Variants in MYZAP observed in about 807,000 individuals in gnomAD.
MYZAP encodes GRINL1A complex locus upstream.
In MYZAP, 66 loss-of-function variants were observed where a neutral mutation model predicts 69.4. The observed-to-expected ratio is 0.95, with a 90% confidence interval of 0.78 to 1.17. The LOEUF is 1.17. MYZAP is among the 50% of genes most tolerant of loss of function. MYZAP has a pLI of 0.00. For missense variants in MYZAP, 611 were observed against 556.2 expected, an observed-to-expected ratio of 1.10 and a Z score of -0.99; for synonymous variants, 256 against 205.9, an observed-to-expected ratio of 1.24 and a Z score of -2.09.
At chr15:57,616,770 A>G (rs1396787067) in intron 2 of MYZAP, among the ~76,000 whole-genome samples, 1 of 144,322 alleles carries the variant, frequency 6.9e-6, no homozygotes, top group Non-Finnish European at 1.5e-5. Context: ...CGATCACGCC[A>G]CTACACTGCA....
At chr15:57,625,945 G>A in intron 5 of MYZAP, 53 bp downstream of exon 5, 8 of 1,514,034 alleles carry the variant, frequency 5.3e-6, no homozygotes, top group Non-Finnish European at 7.3e-6. Flanking sequence ...TCAAGAGTGG[G>A]GACTGTGCCT....
chr15:57,616,940 G>T (rs1479263921), intron 2 of MYZAP, among the ~76,000 whole-genome samples: 1 of 146,656 alleles, frequency 6.8e-6, no homozygotes, highest in Non-Finnish European at 1.5e-5. Flanking sequence ...TCTGTGCTGT[G>T]GGATTGTCGA....
chr15:57,646,742 T>A (rs1567226132), intron 10 of MYZAP: 2 of 986,222 alleles, frequency 2.0e-6, no homozygotes, highest in Non-Finnish European at 2.4e-6. Flanking sequence ...TGGATATCAA[T>A]ACTCATCTTA....
intron 2 of MYZAP, among the ~76,000 whole-genome samples, chr15:57,616,118 C>G (rs16977624): frequency 0.026 from 3,995 of 152,272 alleles, 184 homozygotes; most frequent in African/African-American, 0.09. Flanking sequence ...ATTTTGCAAA[C>G]TTTGAATGAA....
chr15:57,621,771 T>A (rs191914017), intron 4 of MYZAP, 71 bp downstream of exon 4: 4 of 1,431,910 alleles, frequency 2.8e-6, no homozygotes, highest in East Asian at 4.6e-5. Context: ...CAGTGGCTAG[T>A]GCCTAAAGAT....
At position 57,685,274 on chromosome 15, in the gene MYZAP, C is replaced by A. The variant is rs558543981; in HGVS notation, c.*776C>A. 6.6e-6 allele frequency: 1 copy of A among 151,992 alleles called. No homozygotes were observed. The highest frequency in any genetic ancestry group is 2.4e-5 in the African/African-American group (1 of 41,352). 9.4% of individuals were successfully genotyped at this position (151,992 alleles called of 1,614,324 possible). Reference sequence around the variant, plus strand: ...AGTATCAATTGGTGTTTTTGTTAAACGAATGAATCATCTGTTCATGCATGC... The same window carrying A: ...AGTATCAATTGGTGTTTTTGTTAAAAGAATGAATCATCTGTTCATGCATGC... On this transcript the variant is annotated 3_prime_UTR_variant, in exon 13 of 13. Transcript: ENST00000267853.
chr15:57,664,151 C>T (rs2038453665), intron 11 of MYZAP, among the ~76,000 whole-genome samples: 1 of 151,206 alleles, frequency 6.6e-6, no homozygotes, highest in Non-Finnish European at 1.5e-5. Context: ...ATTTTGACAC[C>T]TTTCAGACAG....
At chr15:57,673,367 C>T (rs2038959074) in intron 11 of MYZAP, among the ~76,000 whole-genome samples, 1 of 152,068 alleles carries the variant, frequency 6.6e-6, no homozygotes, top group Non-Finnish European at 1.5e-5. Context: ...CTGCCTTTCT[C>T]TTTTTTTATA....
At chr15:57,609,038 G>T (rs774837712) in intron 2 of MYZAP, among the ~76,000 whole-genome samples, 8 of 152,092 alleles carry the variant, frequency 5.3e-5, no homozygotes, top group Non-Finnish European at 1.0e-4. Flanking sequence ...CTTTCACTTG[G>T]CACCTAGCCA....
Position 57,632,511 on chromosome 15 carries a change from G to A in MYZAP, c.756G>A (p.Lys252=), listed in dbSNP as rs1203152705. 4 of 1,614,234 alleles carry A rather than the reference G, an allele frequency of 2.5e-6. No individual in the cohort carries two copies. Among genetic ancestry groups the A allele is most frequent in the South Asian group, 1.1e-5 (1 of 91,088 alleles). ...TKKLYSQYEE[K]LQEEQRKHSA... is the part of the protein sequence containing the mutation. ...AGCTGTACAGCCAGTATGAGGAGAA[G>A]CTGCAGGAAGAACAGAGGAAGCACA... Residue 252 remains lysine, a synonymous_variant, in exon 7 of 13, where the codon AAG becomes AAA. Coordinates refer to ENST00000267853, the MANE Select transcript of MYZAP (RefSeq NM_001018100.5).
chr15:57,672,168 C>T (rs1369691704), intron 11 of MYZAP, among the ~76,000 whole-genome samples: 1 of 152,044 alleles, frequency 6.6e-6, no homozygotes, highest in East Asian at 1.9e-4. Context: ...TAGTGTTTTC[C>T]CCCAACTCTG....
intron 2 of MYZAP, among the ~76,000 whole-genome samples, chr15:57,617,528 C>A (rs2035543662): frequency 6.6e-6 from 1 of 152,164 alleles, no homozygotes; most frequent in African/African-American, 2.4e-5. Flanking sequence ...ATGGTCACAA[C>A]AGGTTATGTA....
chr15:57,614,645 C>T (rs564557073), intron 2 of MYZAP, among the ~76,000 whole-genome samples: 3 of 152,306 alleles, frequency 2.0e-5, no homozygotes, highest in African/African-American at 4.8e-5. Context: ...AAAGAGCCCC[C>T]CATCCTGGGC....
chr15:57,676,492 A>T (rs2140641241), intron 12 of MYZAP, among the ~76,000 whole-genome samples: 1 of 148,330 alleles, frequency 6.7e-6, no homozygotes, highest in African/African-American at 2.5e-5. Flanking sequence ...TCCGGATCTC[A>T]TCATATTCAG....
intron 11 of MYZAP, among the ~76,000 whole-genome samples, chr15:57,661,884 C>G (rs1181706217): frequency 6.6e-6 from 1 of 152,160 alleles, no homozygotes; most frequent in Non-Finnish European, 1.5e-5. Flanking sequence ...ACATTATTCT[C>G]TCTGCAACTT....
chr15:57,633,391 A>C (rs1265055910), intron 7 of MYZAP, among the ~76,000 whole-genome samples: 2 of 152,190 alleles, frequency 1.3e-5, no homozygotes, highest in Non-Finnish European at 2.9e-5. Flanking sequence ...AAAAAAGGGA[A>C]AAAAATGTAG....
Position 57,602,307 on chromosome 15 carries a change from G to A in MYZAP, c.76-1962G>A, listed in dbSNP as rs545482030. Among the ~76,000 whole-genome samples the A allele has an allele frequency of 1.8e-4, 28 of 152,280 alleles. No individual in the cohort carries two copies. In the South Asian group the frequency reaches 2.7e-3, roughly 15 times the overall value. On this transcript the variant is annotated intron_variant, in intron 1 of 12. Coordinates refer to ENST00000267853, the MANE Select transcript of MYZAP (RefSeq NM_001018100.5). ...TGGAGGTTAGTGGCCCAAAATTAAG[G>A]TGTTGGCAAGGTTGGTTTCTTCTGA...
At chr15:57,592,494 A>G (rs2033739406) in intron 1 of MYZAP, among the ~76,000 whole-genome samples, 1 of 152,204 alleles carries the variant, frequency 6.6e-6, no homozygotes, top group Non-Finnish European at 1.5e-5. Flanking sequence ...ATTAATTAAA[A>G]GAAAGATGGG....
chr15:57,613,464 G>C (rs746851709), intron 2 of MYZAP, among the ~76,000 whole-genome samples: 37 of 151,918 alleles, frequency 2.4e-4, no homozygotes, highest in Non-Finnish European at 4.7e-4. Context: ...TCAACCTCCT[G>C]GGCTCAAGCA....
Sources: gnomAD v4.1 joint callset for allele counts (sites outside exome capture counted in the v4.1 genomes callset) on GRCh38, gnomAD v4.1.1 for gene constraint, MANE v1.5 for transcripts, NCBI Gene and HGNC (gene_info 2026-07-23, HGNC 2026-07-21) for gene names.